Variants in EYA3 observed in about 807,000 individuals in gnomAD.
EYA3 encodes the protein protein phosphatase EYA3.
EYA3 carries 39 observed loss-of-function variants against 80.0 expected under a neutral mutation model. The ratio of observed to expected loss-of-function variants is 0.49; its 90% CI spans 0.38 to 0.64. The LOEUF (loss-of-function observed/expected upper bound fraction) is 0.64. Ranked by LOEUF, EYA3 falls within the 30% of genes least tolerant of loss-of-function variation. EYA3 has a pLI of 0.00. For synonymous variants in EYA3, 206 were observed against 232.8 expected, an observed-to-expected ratio of 0.88 and a Z score of 1.05; for missense variants, 523 against 676.1, an observed-to-expected ratio of 0.77 and a Z score of 2.51.
intron 11 of EYA3, among the ~76,000 whole-genome samples, chr1:28,003,333 G>GT (rs1350468790): frequency 6.6e-6 from 1 of 151,762 alleles, no homozygotes; most frequent in Non-Finnish European, 1.5e-5. Flanking sequence ...GCCAGGCATG[G>GT]TAACGGGCAC....
intron 9 of EYA3, among the ~76,000 whole-genome samples, 195 bp from the exon 10 acceptor site, chr1:28,011,281 T>G (rs1383334270): frequency 1.3e-5 from 2 of 152,186 alleles, no homozygotes; most frequent in Non-Finnish European, 2.9e-5. Flanking sequence ...ATCAGAAAAG[T>G]TATAACCAGA....
At chr1:28,075,449 CAGATGGTCTTGTGAA>C (rs1416892861) in intron 1 of EYA3, among the ~76,000 whole-genome samples, 2 of 152,130 alleles carry the variant, frequency 1.3e-5, no homozygotes, top group East Asian at 3.9e-4. Context: ...AGGTCAAATA[CAGATGGTCTTGTGAA>C]TGAGGTTTTT....
chr1:28,001,663 T>C (rs1431456264), intron 11 of EYA3, among the ~76,000 whole-genome samples: 1 of 138,180 alleles, frequency 7.2e-6, no homozygotes, highest in Non-Finnish European at 1.5e-5. Context: ...AGCGTGAACC[T>C]GGGAGGTGGA....
intron 11 of EYA3, 152 bp from the exon 12 acceptor site, chr1:28,000,201 T>C (rs1640729091): frequency 7.8e-6 from 4 of 511,340 alleles, no homozygotes; most frequent in South Asian, 3.6e-5. Flanking sequence ...TTCACAGTTA[T>C]GAGAATCCAG....
chr1:28,018,424 C>T (rs1285117217), intron 7 of EYA3, among the ~76,000 whole-genome samples: 1 of 152,244 alleles, frequency 6.6e-6, no homozygotes, highest in Admixed American at 6.5e-5. Context: ...AACTCCTTGT[C>T]CTCATTTATC....
chr1:28,001,058 CTG>C (rs1640802433), intron 11 of EYA3, among the ~76,000 whole-genome samples: 1 of 151,896 alleles, frequency 6.6e-6, no homozygotes, highest in Non-Finnish European at 1.5e-5. Context: ...GAGTGAGACT[CTG>C]TCTCAAAGTG....
rs748468184 is a variant in EYA3 at position 27,988,641 on chromosome 1, A to G, written c.1434T>C (p.Asn478=). Residue 478 remains asparagine (N), a synonymous_variant, in exon 16 of 18, where the codon AAT becomes AAC. Transcript: ENST00000373871. ...CCAGCTGGGTGGTAGTGATCAGAAC[A>G]TTCACACAATTCTTTCTATAAGGGA... ...LLIQSRKNCV[N]VLITTTQLVP... is the part of the protein sequence containing the mutation. The G allele has an allele frequency of 6.2e-6, 10 of 1,613,978 alleles. No homozygotes were observed. Among genetic ancestry groups the G allele is most frequent in the Non-Finnish European group, 7.6e-6 (9 of 1,179,948 alleles).
At chr1:28,029,917 G>T (rs1331493191) in intron 6 of EYA3, among the ~76,000 whole-genome samples, 4 of 152,180 alleles carry the variant, frequency 2.6e-5, no homozygotes, top group Middle Eastern at 6.8e-3. Context: ...ATGCCTGGTT[G>T]TTCACTGTGT....
chr1:28,065,485 A>T (rs1453073228), intron 1 of EYA3, among the ~76,000 whole-genome samples: 1 of 151,374 alleles, frequency 6.6e-6, no homozygotes. Context: ...GTTGACCAGG[A>T]TAGTCTGGAT....
At chr1:27,980,665 A>G (rs1033023143) in intron 16 of EYA3, among the ~76,000 whole-genome samples, 13 of 152,228 alleles carry the variant, frequency 8.5e-5, no homozygotes, top group African/African-American at 3.1e-4. Flanking sequence ...TCAGTTTACC[A>G]TATGTCAAGC....
intron 1 of EYA3, among the ~76,000 whole-genome samples, chr1:28,071,215 C>T (rs770781319): frequency 7.5e-4 from 114 of 152,262 alleles, no homozygotes; most frequent in Non-Finnish European, 1.4e-3. Flanking sequence ...TGAGCCACTA[C>T]GCCTAGCCTC....
chr1:28,038,827 T>TA lies in EYA3; in HGVS notation c.224+11dup, dbSNP rs145333506. 4,075 of 1,514,678 alleles carry TA rather than the reference T, an allele frequency of 2.7e-3. 100 individuals are homozygous for TA. In the African/African-American group the frequency reaches 0.047, roughly 17 times the overall value. 93.8% of individuals were successfully genotyped at this position (1,514,678 alleles called of 1,614,324 possible). A position where few individuals can be genotyped will look rare whatever the true frequency, so the allele number is the denominator to read the frequency against. On this transcript the variant is annotated intron_variant, in intron 5 of 17. Coordinates refer to ENST00000373871, the MANE Select transcript of EYA3 (RefSeq NM_001990.4). ...AAAGCATATGCATTTTGGAAATAAT[T>TA]ATTCAACTTACTTTGCAGAATACAT...
intron 10 of EYA3, 84 bp from the exon 11 acceptor site, chr1:28,004,503 G>T: frequency 1.1e-6 from 1 of 949,448 alleles, no homozygotes; most frequent in East Asian, 2.5e-5. Flanking sequence ...AAGAGAACTG[G>T]GAAATTCATA....
At chr1:28,052,175 A>AT (rs1469677678) in intron 2 of EYA3, among the ~76,000 whole-genome samples, 1 of 151,952 alleles carries the variant, frequency 6.6e-6, no homozygotes, top group Non-Finnish European at 1.5e-5. Context: ...TGCCTGGCTA[A>AT]TTTTTTTGTA....
chr1:28,080,773 G>A (rs1571979635), intron 1 of EYA3, among the ~76,000 whole-genome samples: 1 of 151,998 alleles, frequency 6.6e-6, no homozygotes, highest in Non-Finnish European at 1.5e-5. Context: ...GTTTTGAGAC[G>A]GAGTTTCGCT....
At chr1:28,007,906 T>C (rs1248520032) in intron 10 of EYA3, among the ~76,000 whole-genome samples, 2 of 152,138 alleles carry the variant, frequency 1.3e-5, no homozygotes, top group Non-Finnish European at 2.9e-5. Context: ...AAAATTCTTA[T>C]GAATCTCAAG....
Position 28,070,247 on chromosome 1 carries a change from C to T in EYA3, c.-68-12153G>A, listed in dbSNP as rs532149581. On this transcript the variant is annotated intron_variant, in intron 1 of 17. Coordinates refer to ENST00000373871, the MANE Select transcript of EYA3 (RefSeq NM_001990.4). Reference sequence around the variant, plus strand: ...CTGAATGAAACAGACAAACTGAAAACGAAAGTGGGAAATGAAGAAATCTAA... The same window carrying T: ...CTGAATGAAACAGACAAACTGAAAATGAAAGTGGGAAATGAAGAAATCTAA... Among the ~76,000 whole-genome samples, 5 of 151,964 alleles carry T rather than the reference C, an allele frequency of 3.3e-5. No homozygotes were observed. In the South Asian group the frequency reaches 6.2e-4, roughly 19 times the overall value.
chr1:28,045,693 C>T (rs1366965545), intron 3 of EYA3, among the ~76,000 whole-genome samples: 1 of 152,088 alleles, frequency 6.6e-6, no homozygotes, highest in Non-Finnish European at 1.5e-5. Flanking sequence ...AAATGACATA[C>T]TGCCTCAAAA....
At chr1:28,059,270 C>A (rs1471183231) in intron 1 of EYA3, among the ~76,000 whole-genome samples, 1 of 152,160 alleles carries the variant, frequency 6.6e-6, no homozygotes, top group Non-Finnish European at 1.5e-5. Flanking sequence ...TTATTCCCTA[C>A]CCCAATTTAG....
Sources: gnomAD v4.1 joint callset for allele counts (sites outside exome capture counted in the v4.1 genomes callset) on GRCh38, gnomAD v4.1.1 for gene constraint, MANE v1.5 for transcripts, NCBI Gene and HGNC (gene_info 2026-07-23, HGNC 2026-07-21) for gene names.